The following KMT2B variants were observed in gnomAD, a reference collection of about 807,000 sequenced individuals.
The protein encoded by KMT2B is lysine methyltransferase 2B, also known as histone-lysine N-methyltransferase 2B.
KMT2B carries 22 observed loss-of-function variants against 255.3 expected under a neutral mutation model. The observed-to-expected ratio is 0.09, with a 90% CI of 0.06 to 0.12. KMT2B has a LOEUF of 0.12. KMT2B is among the 10% of genes least tolerant of loss of function. The pLI, the probability that KMT2B is intolerant of heterozygous loss-of-function variation, is 1.00. For synonymous variants in KMT2B, 1,730 were observed against 1,498.1 expected, an observed-to-expected ratio of 1.15 and a Z score of -3.57; for missense variants, 3,149 against 3,737.0, an observed-to-expected ratio of 0.84 and a Z score of 4.10.
Position 35,726,223 on chromosome 19 carries a change from C to A in KMT2B, c.3886-13C>A, listed in dbSNP as rs768714754. On this transcript the variant is annotated splice_polypyrimidine_tract_variant and intron_variant, in intron 13 of 36. Coordinates refer to ENST00000420124, the MANE Select transcript of KMT2B (RefSeq NM_014727.3). ...GTGCCTGGTTTTCCCCTAACATCGCCCTGCTCCCCCAGATCTGTTCAGCCT... is the reference window on the plus strand; with the variant it reads ...GTGCCTGGTTTTCCCCTAACATCGCACTGCTCCCCCAGATCTGTTCAGCCT... 3.1e-6 allele frequency: 5 copies of A among 1,607,280 alleles called. No individual in the cohort carries two copies. In the Admixed American group the frequency reaches 8.3e-5, roughly 27 times the overall value.
Position 35,727,773 on chromosome 19 carries a change from C to T in KMT2B, c.4378C>T (p.His1460Tyr). 5 of 1,613,858 alleles carry T rather than the reference C, an allele frequency of 3.1e-6. No homozygotes were observed. Among genetic ancestry groups the T allele is most frequent in the Non-Finnish European group, 4.2e-6 (5 of 1,179,872 alleles). Reference protein sequence around the residue: ...QAVSQRFEDGHYKSVHSFMED... With the variant: ...QAVSQRFEDGYYKSVHSFMED... ...TGTGAGTCAGCGCTTCGAGGATGGCCACTACAAGTCTGTGGTGAGTGGTAC... is the reference window on the plus strand; with the variant it reads ...TGTGAGTCAGCGCTTCGAGGATGGCTACTACAAGTCTGTGGTGAGTGGTAC... Residue 1460 changes from histidine (H) to tyrosine (Y), a missense_variant, in exon 17 of 37, where the codon CAC (histidine) becomes TAC (tyrosine). By Grantham distance (83) the His-to-Tyr change is moderately conservative (BLOSUM62 2). Around this residue, in one of 18 missense-constraint regions of KMT2B, gnomAD observed 377 missense variants for 471.0 expected, o/e 0.80. Transcript: ENST00000420124. The surrounding 1 kb of genome is among the most constrained non-coding windows in gnomAD (Gnocchi z 4.2).
chr19:35,732,128 C>G lies in KMT2B; in HGVS notation c.5658C>G (p.Pro1886=). The change falls in exon 27 of 37, where the codon CCC becomes CCG. Residue 1886 remains proline, a synonymous_variant. Coordinates refer to ENST00000420124, the MANE Select transcript of KMT2B (RefSeq NM_014727.3). ...PLGGVSFGPL[P]SPGSPSSLTH... ...GGGGTGTCTCCTTTGGCCCCCTGCC[C>G]TCCCCTGGTGAGCACCGGGCATGTG... 1 of 1,592,094 alleles carries G rather than the reference C, an allele frequency of 6.3e-7. No individual in the cohort carries two copies. Among genetic ancestry groups the G allele is most frequent in the South Asian group, 1.1e-5 (1 of 88,252 alleles).
rs763721624 is a variant in KMT2B, at chr19:35,732,037, C to G, written c.5567C>G (p.Ala1856Gly). The G allele has an allele frequency of 1.2e-5, 19 of 1,612,766 alleles. No individual in the cohort carries two copies. The highest frequency in any genetic ancestry group is 1.7e-5 in the Admixed American group (1 of 59,876). ...GATTCAGGCAGCGCCCCTCCTCCAG[C>G]CCCCCGTTCTTTTTCGGGGGCTCGA... is the stretch of plus-strand genomic sequence containing the variant. Reference protein sequence around the residue: ...RPDSGSAPPPAPRSFSGARIK... With the variant: ...RPDSGSAPPPGPRSFSGARIK... Residue 1856 changes from alanine to glycine, a missense_variant, in exon 27 of 37, where the codon GCC becomes GGC. This residue lies in a region of KMT2B where 897 missense variants were observed against 825.3 expected (regional missense o/e 1.09). Transcript: ENST00000420124.
At chr19:35,726,931 C>T (rs1471289297) in intron 14 of KMT2B, among the ~76,000 whole-genome samples, 4 of 138,620 alleles carry the variant, frequency 2.9e-5, no homozygotes, top group East Asian at 2.2e-4. Context: ...TTGCAGTGAG[C>T]GGAGATCTTG....
In KMT2B at chr19:35,725,535, C is replaced by T. The variant is rs760827971; in HGVS notation, c.3699C>T (p.Ala1233=). ...DPFHPFCLEE[A]ERPLPQHHDT... ...TCCACCCATTCTGCCTGGAGGAGGC[C>T]GAGCGGCCCCTGCCCCAGCATCACG... The change falls in exon 12 of 37, where the codon GCC becomes GCT. Residue 1233 remains alanine, a synonymous_variant. Transcript: ENST00000420124. The surrounding 1 kb of genome is among the most constrained non-coding windows in gnomAD (Gnocchi z 4.1). 1.2e-5 allele frequency: 20 copies of T among 1,611,070 alleles called. No individual in the cohort carries two copies. The South Asian group carries it at 1.3e-4, about 11-fold the overall frequency.
At position 35,720,303 on chromosome 19, in the gene KMT2B, T is replaced by C. The variant is rs769742410; in HGVS notation, c.956T>C (p.Leu319Ser). ...GCCAAAAAAGTAAAGATGGGACAAT[T>C]GTCCTTGGGACTCGAATCAGGTCAA... ...SRAKKVKMGQ[L>S]SLGLESGQGQ... Residue 319 changes from leucine (L) to serine (S), a missense_variant, in exon 3 of 37, where the codon TTG (leucine) becomes TCG (serine). Physicochemically the swap from Leu to Ser is moderately radical, Grantham distance 145. Around this residue, in one of 18 missense-constraint regions of KMT2B, gnomAD observed 1,188 missense variants for 1,106.4 expected, o/e 1.07. Transcript: ENST00000420124. 6 of 1,613,334 alleles carry C rather than the reference T, an allele frequency of 3.7e-6. No homozygotes were observed. The highest frequency in any genetic ancestry group is 5.1e-6 in the Non-Finnish European group (6 of 1,179,732).
rs775974303 is a variant in KMT2B, at chr19:35,723,065, C to T, written c.2793C>T (p.Gly931=). The part of the protein sequence containing the change: ...RSRRGKVEAA[G]PGGESEPTGS... ...GGCGGGGAAAGGTGGAGGCAGCAGG[C>T]CCTGGGGGAGAATCAGAGCCCACAG... Residue 931 remains glycine (G), a synonymous_variant, in exon 6 of 37, where the codon GGC becomes GGT. Transcript: ENST00000420124. The surrounding 1 kb of genome is among the most constrained non-coding windows in gnomAD (Gnocchi z 7.5). The T allele has an allele frequency of 3.2e-5, 52 of 1,612,790 alleles. No homozygotes were observed. Among genetic ancestry groups the T allele is most frequent in the Non-Finnish European group, 4.4e-5 (52 of 1,179,732 alleles).
chr19:35,719,178 T>C lies in KMT2B; in HGVS notation c.364-291T>C, dbSNP rs144708745. On this transcript the variant is annotated intron_variant, in intron 1 of 36. Transcript: ENST00000420124. ...GAAGGAATCTGAGTATGGGGCCTGC[T>C]GCCTTTCCTGAGGAGACCCTGTCGT... Among the ~76,000 whole-genome samples the C allele has an allele frequency of 2.5e-3, 378 of 152,296 alleles. 1 individual carries two copies. Among genetic ancestry groups the C allele is most frequent in the African/African-American group, 8.4e-3 (349 of 41,562 alleles).
Position 35,725,801 on chromosome 19 carries a change from C to A in KMT2B, c.3868C>A (p.Arg1290Ser). ...GCCCAGCTATCCAACCCGGGCCACG[C>A]GCAAACGGCGCCACTGGGTGAGAGA... ...LGPSYPTRAT[R>S]KRRHWICSAC... Residue 1290 changes from arginine (R) to serine (S), a missense_variant, in exon 13 of 37, where the codon CGC (arginine) becomes AGC (serine). Physicochemically the swap from Arg to Ser is moderately radical, Grantham distance 110. Transcript: ENST00000420124. The surrounding 1 kb of genome is among the most constrained non-coding windows in gnomAD (Gnocchi z 4.1). The A allele has an allele frequency of 3.2e-6, 5 of 1,581,788 alleles. No homozygotes were observed. Among genetic ancestry groups the A allele is most frequent in the Non-Finnish European group, 3.4e-6 (4 of 1,164,494 alleles).
Position 35,721,752 on chromosome 19 carries a change from A to C in KMT2B, c.2405A>C (p.Gln802Pro). 6.2e-7 allele frequency: 1 copy of C among 1,609,496 alleles called. No homozygotes were observed. The highest frequency in any genetic ancestry group is 8.5e-7 in the Non-Finnish European group (1 of 1,177,910). ...MFSLLKRAKV[Q>P]LFKIDQQQQQ... The stretch of plus-strand genomic sequence containing the variant: ...AGCCTCCTCAAGAGAGCCAAAGTGC[A>C]GCTATTCAAGATCGATCAGCAGCAG... The change falls in exon 3 of 37, where the codon CAG (glutamine) becomes CCG (proline). Residue 802 changes from glutamine to proline, a missense_variant. Coordinates refer to ENST00000420124, the MANE Select transcript of KMT2B (RefSeq NM_014727.3).
Position 35,723,906 on chromosome 19 carries a change from G to C in KMT2B, c.3233G>C (p.Arg1078Pro). ...CTCCTGCAGCGCAAGTCAGCTCGGC[G>C]CTGCGTCAAACAGCGACCCTCCTAT... ...DSLLQRKSAR[R>P]CVKQRPSYDI... Residue 1078 changes from arginine (R) to proline (P), a missense_variant, in exon 8 of 37, where the codon CGC becomes CCC. By Grantham distance (103) the Arg-to-Pro change is moderately radical. Coordinates refer to ENST00000420124, the MANE Select transcript of KMT2B (RefSeq NM_014727.3). The surrounding 1 kb of genome is among the most constrained non-coding windows in gnomAD (Gnocchi z 7.5). 6.2e-7 allele frequency: 1 copy of C among 1,611,846 alleles called. No individual in the cohort carries two copies. Among genetic ancestry groups the C allele is most frequent in the Non-Finnish European group, 8.5e-7 (1 of 1,179,450 alleles).
rs768492984 is a variant in KMT2B, at chr19:35,727,407, C to T, written c.4118-31C>T. ...TGGGAGCCCTCACATCCTCTGAAAC[C>T]ACTTTTCCCTTTCCCACTTGGCTAT... On this transcript the variant is annotated intron_variant, in intron 15 of 36. Transcript: ENST00000420124. The surrounding 1 kb of genome is among the most constrained non-coding windows in gnomAD (Gnocchi z 4.2). 2.5e-6 allele frequency: 4 copies of T among 1,612,098 alleles called. No homozygotes were observed. Among genetic ancestry groups the T allele is most frequent in the Non-Finnish European group, 3.4e-6 (4 of 1,178,932 alleles).
Position 35,723,892 on chromosome 19 carries a change from C to G in KMT2B, c.3219C>G (p.Arg1073=). 6.2e-7 allele frequency: 1 copy of G among 1,611,482 alleles called. No individual in the cohort carries two copies. The highest frequency in any genetic ancestry group is 8.5e-7 in the Non-Finnish European group (1 of 1,179,312). Residue 1073 remains arginine (R), a synonymous_variant, in exon 8 of 37, where the codon CGC becomes CGG. Transcript: ENST00000420124. This position sits in a 1 kb window ranked among gnomAD's most constrained non-coding sequence, Gnocchi z 7.5. ...GPEEQDSLLQ[R]KSARRCVKQR... ...AGGAGCAGGACTCCCTCCTGCAGCGCAAGTCAGCTCGGCGCTGCGTCAAAC... is the reference window on the plus strand; with the variant it reads ...AGGAGCAGGACTCCCTCCTGCAGCGGAAGTCAGCTCGGCGCTGCGTCAAAC...
chr19:35,737,296 G>A lies in KMT2B; in HGVS notation c.7550+33G>A, dbSNP rs752551241. On this transcript the variant is annotated intron_variant, in intron 33 of 36. Coordinates refer to ENST00000420124, the MANE Select transcript of KMT2B (RefSeq NM_014727.3). This position sits in a 1 kb window ranked among gnomAD's most constrained non-coding sequence, Gnocchi z 5.3. ...GTCTGGGGTGTGATGCCTGGGTCAG[G>A]GCGCCCCTATGAGAGCTCTTGAGGG... 3 of 1,467,066 alleles carry A rather than the reference G, an allele frequency of 2.0e-6. No individual in the cohort carries two copies. The highest frequency in any genetic ancestry group is 2.8e-5 in the South Asian group (2 of 70,378). 90.9% of individuals were successfully genotyped at this position (1,467,066 alleles called of 1,614,324 possible).
chr19:35,726,661 GC>G (rs1010635519), intron 14 of KMT2B, among the ~76,000 whole-genome samples: 6 of 152,116 alleles, frequency 3.9e-5, no homozygotes, highest in African/African-American at 1.4e-4. Context: ...CATTAGCAAG[GC>G]CCTGTGTTCT....
chr19:35,721,585 C>G lies in KMT2B; in HGVS notation c.2238C>G (p.Thr746=). 1 of 1,612,308 alleles carries G rather than the reference C, an allele frequency of 6.2e-7. No homozygotes were observed. Among genetic ancestry groups the G allele is most frequent in the Non-Finnish European group, 8.5e-7 (1 of 1,179,842 alleles). ...TGCAGCCCCTGCAGGCCTTGCAAACCCAGCTCCTGCCCCAGGCACTACCGC... is the reference window on the plus strand; with the variant it reads ...TGCAGCCCCTGCAGGCCTTGCAAACGCAGCTCCTGCCCCAGGCACTACCGC... ...QLLQPLQALQ[T]QLLPQALPPP... is the part of the protein sequence containing the mutation. The change falls in exon 3 of 37, where the codon ACC becomes ACG. Residue 746 remains threonine, a synonymous_variant. Transcript: ENST00000420124.
chr19:35,726,350 A>G lies in KMT2B; in HGVS notation c.4000A>G (p.Lys1334Glu). The G allele has an allele frequency of 6.2e-7, 1 of 1,605,390 alleles. No homozygotes were observed. Among genetic ancestry groups the G allele is most frequent in the Non-Finnish European group, 8.5e-7 (1 of 1,172,302 alleles). Residue 1334 changes from lysine (K) to glutamate (E), a missense_variant, in exon 14 of 37, where the codon AAA (lysine) becomes GAA (glutamate). Transcript: ENST00000420124. The stretch of plus-strand genomic sequence containing the variant: ...CCCCAGGTGCACCCAGCTATATGAG[A>G]AAGGTGGGGACCGGGCAGGGGAACT... ...LCPRCTQLYEKGNYCPICTRC... is the reference protein window; with the variant it reads ...LCPRCTQLYEEGNYCPICTRC...
At position 35,726,230 on chromosome 19, in the gene KMT2B, C is replaced by A; in HGVS notation, c.3886-6C>A. The stretch of plus-strand genomic sequence containing the variant: ...GTTTTCCCCTAACATCGCCCTGCTC[C>A]CCCAGATCTGTTCAGCCTGTGTGCG... On this transcript the variant is annotated splice_region_variant and splice_polypyrimidine_tract_variant and intron_variant, in intron 13 of 36. Transcript: ENST00000420124. The A allele has an allele frequency of 6.2e-7, 1 of 1,611,178 alleles. No individual in the cohort carries two copies. The highest frequency in any genetic ancestry group is 1.1e-5 in the South Asian group (1 of 91,010).
At position 35,721,030 on chromosome 19, in the gene KMT2B, T is replaced by A; in HGVS notation, c.1683T>A (p.Pro561=). The stretch of plus-strand genomic sequence containing the variant: ...AACCCCCAAAGGTGGAGGTCTCACC[T>A]GTCCTGCGACCTCCCATTACCACCT... ...PPKPPKVEVS[P]VLRPPITTSP... is the part of the protein sequence containing the mutation. Residue 561 remains proline (P), a synonymous_variant, in exon 3 of 37, where the codon CCT becomes CCA. Transcript: ENST00000420124. The A allele has an allele frequency of 6.2e-7, 1 of 1,603,562 alleles. No homozygotes were observed. Among genetic ancestry groups the A allele is most frequent in the Non-Finnish European group, 8.5e-7 (1 of 1,177,200 alleles).
Sources: allele counts gnomAD v4.1 joint callset (sites outside exome capture counted in the v4.1 genomes callset), GRCh38; gene constraint gnomAD v4.1.1; regional missense constraint gnomAD v4.1.1; non-coding constraint Gnocchi (gnomAD v3.1); transcripts MANE v1.5; gene names NCBI Gene and HGNC (gene_info 2026-07-23, HGNC 2026-07-21).